Variants in DAB1 observed in about 807,000 individuals in gnomAD.
The protein encoded by DAB1 is DAB adaptor protein 1.
DAB1 carries 15 observed loss-of-function variants against 64.6 expected under a neutral mutation model. That is an observed-to-expected ratio of 0.23 (90% CI 0.16 to 0.36). The LOEUF is 0.36. Ranked by LOEUF, DAB1 falls within the 10% of genes least tolerant of loss-of-function variation. The pLI, the probability that DAB1 is intolerant of heterozygous loss-of-function variation, is 1.00. For synonymous variants in DAB1, 235 were observed against 251.9 expected (o/e 0.93, Z 0.64); for missense variants, 596 against 706.7 (o/e 0.84, Z 1.78).
intron 5 of DAB1, among the ~76,000 whole-genome samples, chr1:58,065,446 A>C (rs7527900): frequency 6.6e-6 from 1 of 152,138 alleles, no homozygotes; most frequent in African/African-American, 2.4e-5. Flanking sequence ...TGGATTTTTT[A>C]AAAAAGAGTC....
chr1:58,111,461 T>C (rs1651960110), intron 5 of DAB1, among the ~76,000 whole-genome samples: 1 of 152,240 alleles, frequency 6.6e-6, no homozygotes, highest in African/African-American at 2.4e-5. Flanking sequence ...TATTTGCTCA[T>C]GATCCCTCTG....
intron 3 of DAB1, among the ~76,000 whole-genome samples, chr1:58,491,977 ACAC>A (rs1185610977): frequency 6.6e-6 from 1 of 152,194 alleles, no homozygotes; most frequent in Non-Finnish European, 1.5e-5. Context: ...TTTCAGCACC[ACAC>A]CACACCTATT....
chr1:57,594,609 T>A (rs988151749), intron 7 of DAB1, among the ~76,000 whole-genome samples: 1 of 152,186 alleles, frequency 6.6e-6, no homozygotes, highest in Non-Finnish European at 1.5e-5. Context: ...AATCCTAAGC[T>A]CAATGCTATT....
chr1:57,186,159 T>C (rs1288265236), intron 2 of DAB1, among the ~76,000 whole-genome samples: 1 of 152,188 alleles, frequency 6.6e-6, no homozygotes, highest in African/African-American at 2.4e-5. Context: ...AACCAAGTGG[T>C]TAGAATTACT....
At chr1:57,125,342 G>A (rs761102722) in intron 4 of DAB1, among the ~76,000 whole-genome samples, 11 of 152,174 alleles carry the variant, frequency 7.2e-5, no homozygotes, top group Non-Finnish European at 1.3e-4. Flanking sequence ...ATCAGGCAGA[G>A]TTTCTGTCCT....
At chr1:57,133,525 T>C (rs17115146) in intron 4 of DAB1, among the ~76,000 whole-genome samples, 2,322 of 152,294 alleles carry the variant, frequency 0.015, 38 homozygotes, top group East Asian at 0.057. Context: ...TCTAGGTATC[T>C]AAATGTATGA....
chr1:57,086,490 C>G (rs1570664858), intron 4 of DAB1, among the ~76,000 whole-genome samples: 1 of 152,140 alleles, frequency 6.6e-6, no homozygotes, highest in African/African-American at 2.4e-5. Context: ...GAAGCAGACT[C>G]TCTGGTCTGG....
intron 4 of DAB1, among the ~76,000 whole-genome samples, chr1:58,188,822 T>C (rs539725773): frequency 2.6e-5 from 4 of 152,338 alleles, no homozygotes; most frequent in Admixed American, 1.3e-4. Flanking sequence ...CTGTTTACAC[T>C]TGTATGACCA....
At chr1:57,100,560 T>G (rs17115023) in intron 4 of DAB1, among the ~76,000 whole-genome samples, 10,644 of 152,184 alleles carry the variant, frequency 0.07, 897 homozygotes, top group African/African-American at 0.2. Context: ...TAAACTGTAA[T>G]GCAAATGCTG....
chr1:57,859,397 A>G (rs1371240885), intron 1 of DAB1, among the ~76,000 whole-genome samples: 1 of 152,140 alleles, frequency 6.6e-6, no homozygotes, highest in Middle Eastern at 3.2e-3. Flanking sequence ...TATTGTAGAT[A>G]GTCTATGTGC....
At chr1:57,751,575 T>A (rs1188208503) in intron 6 of DAB1, among the ~76,000 whole-genome samples, 1 of 151,902 alleles carries the variant, frequency 6.6e-6, no homozygotes. Flanking sequence ...GATCAAAGGC[T>A]TAAAACCTGT....
chr1:58,040,117 T>C (rs1353447142), intron 5 of DAB1, among the ~76,000 whole-genome samples: 1 of 152,222 alleles, frequency 6.6e-6, no homozygotes, highest in Non-Finnish European at 1.5e-5. Flanking sequence ...AAGGAATTAA[T>C]TTCCATTTTA....
intron 5 of DAB1, among the ~76,000 whole-genome samples, chr1:57,972,457 G>T (rs1570124155): frequency 6.6e-6 from 1 of 152,162 alleles, no homozygotes; most frequent in East Asian, 1.9e-4. Context: ...TGCCCAGGCT[G>T]GTCTCGAACT....
chr1:57,397,126 T>C (rs1028544543), intron 1 of DAB1, among the ~76,000 whole-genome samples: 2 of 152,172 alleles, frequency 1.3e-5, no homozygotes, highest in African/African-American at 4.8e-5. Context: ...AGTACCCTTT[T>C]CCCTTAATTT....
chr1:58,032,898 C>T (rs866851719), intron 5 of DAB1, among the ~76,000 whole-genome samples: 1 of 152,222 alleles, frequency 6.6e-6, no homozygotes, highest in South Asian at 2.1e-4. Flanking sequence ...GCCTACTTCT[C>T]TGCCCTCAGC....
At chr1:57,847,905 C>T (rs375878669) in intron 1 of DAB1, among the ~76,000 whole-genome samples, 36 of 152,136 alleles carry the variant, frequency 2.4e-4, no homozygotes, top group East Asian at 2.1e-3. Flanking sequence ...TAAATATTTA[C>T]TATTGCCTCA....
chr1:57,574,210 G>C (rs1199775612), intron 7 of DAB1, among the ~76,000 whole-genome samples: 5 of 152,304 alleles, frequency 3.3e-5, no homozygotes, highest in Admixed American at 2.6e-4. Flanking sequence ...GGTAGTCGTA[G>C]TCCTTTTGTT....
intron 1 of DAB1, among the ~76,000 whole-genome samples, chr1:57,850,850 T>A (rs1653489896): frequency 6.6e-6 from 1 of 152,188 alleles, no homozygotes; most frequent in South Asian, 2.1e-4. Context: ...CTCTTTCAAC[T>A]CTCTGATAAG....
intron 5 of DAB1, among the ~76,000 whole-genome samples, chr1:58,129,086 C>G (rs930876471): frequency 6.8e-6 from 1 of 147,220 alleles, no homozygotes; most frequent in Non-Finnish European, 1.5e-5. Context: ...CCATCTGGTC[C>G]TGGACTCTTT....
Sources: gnomAD v4.1 joint callset for allele counts (sites outside exome capture counted in the v4.1 genomes callset) on GRCh38, gnomAD v4.1.1 for gene constraint, MANE v1.5 for transcripts, NCBI Gene and HGNC (gene_info 2026-07-23, HGNC 2026-07-21) for gene names.